Variants in DAB1 observed in about 807,000 individuals in gnomAD.
DAB1 encodes the protein DAB adaptor protein 1.
Under a neutral mutation model 64.6 loss-of-function variants are expected in DAB1, and 15 were observed. The observed-to-expected ratio is 0.23, with a 90% confidence interval of 0.16 to 0.36. The LOEUF (loss-of-function observed/expected upper bound fraction) is 0.36, where lower values mean the gene tolerates loss of function less well. Among genes scored for constraint, DAB1 ranks in the 10% least tolerant of loss-of-function variants. The probability of loss-of-function intolerance (pLI) is 1.00; values close to 1 mark genes in which losing one functional copy is unlikely to be tolerated. For synonymous variants in DAB1, 235 were observed against 251.9 expected, an observed-to-expected ratio of 0.93 and a Z score of 0.64; for missense variants, 596 against 706.7, an observed-to-expected ratio of 0.84 and a Z score of 1.78.
chr1:57,209,485 C>A (rs1665841210), intron 2 of DAB1, among the ~76,000 whole-genome samples: 1 of 152,168 alleles, frequency 6.6e-6, no homozygotes, highest in Non-Finnish European at 1.5e-5. Context: ...TTGCTGCTGT[C>A]AATAATGCCC....
At chr1:57,098,818 C>G (rs374676484) in intron 4 of DAB1, among the ~76,000 whole-genome samples, 72 of 152,198 alleles carry the variant, frequency 4.7e-4, no homozygotes, top group African/African-American at 1.7e-3. Flanking sequence ...CTTGATTGCC[C>G]TGGGGATGAT....
intron 7 of DAB1, among the ~76,000 whole-genome samples, chr1:57,553,420 AAGAAAGAAAGAAAGAAAGAAAG>A (rs1644941814): frequency 6.6e-5 from 1 of 15,134 alleles, no homozygotes; most frequent in Admixed American, 5.3e-4. Flanking sequence ...GAAAGAAAGA[AAGAAAGAAAGAAAGAAAGAAAG>A]AGAAAGAAAG....
At position 57,270,391 on chromosome 1, in the gene DAB1, A is replaced by T. The variant is rs372381094; in HGVS notation, c.67+20573T>A. Reference sequence around the variant, plus strand: ...TTTAAAGTTACTCCATTAATTAAAAAGTTGCTAAGAATACCTATGTGTTTA... The same window carrying T: ...TTTAAAGTTACTCCATTAATTAAAATGTTGCTAAGAATACCTATGTGTTTA... On this transcript the variant is annotated intron_variant, in intron 2 of 14. Transcript: ENST00000371236. Among the ~76,000 whole-genome samples the T allele has an allele frequency of 6.1e-4, 93 of 152,348 alleles. 1 individual carries two copies. In the South Asian group the frequency reaches 0.017, roughly 27 times the overall value.
At chr1:57,873,133 C>T (rs962479899) in intron 1 of DAB1, among the ~76,000 whole-genome samples, 1 of 151,944 alleles carries the variant, frequency 6.6e-6, no homozygotes, top group African/African-American at 2.4e-5. Context: ...AGGTGTCAAG[C>T]TAAGGAGGTG....
intron 6 of DAB1, among the ~76,000 whole-genome samples, chr1:57,707,490 T>C (rs969135503): frequency 6.6e-6 from 1 of 152,094 alleles, no homozygotes; most frequent in African/African-American, 2.4e-5. Context: ...AATATATTTA[T>C]GTACATGTTT....
chr1:58,490,794 TC>T (rs1557438620), intron 3 of DAB1, among the ~76,000 whole-genome samples: 18 of 117,268 alleles, frequency 1.5e-4, no homozygotes, highest in African/African-American at 5.2e-4. Flanking sequence ...TAGTCAACAT[TC>T]TTTTTTTTTT....
intron 2 of DAB1, among the ~76,000 whole-genome samples, chr1:58,526,039 T>C (rs1438496958): frequency 2.0e-5 from 3 of 152,080 alleles, no homozygotes; most frequent in African/African-American, 7.2e-5. Flanking sequence ...ATATTATATA[T>C]TTTAAAAATA....
At chr1:57,479,295 AC>A (rs1471171525) in intron 7 of DAB1, among the ~76,000 whole-genome samples, 7 of 152,052 alleles carry the variant, frequency 4.6e-5, no homozygotes, top group Non-Finnish European at 1.0e-4. Flanking sequence ...AATCACACAC[AC>A]AGAAAATGCT....
intron 4 of DAB1, among the ~76,000 whole-genome samples, chr1:58,290,464 G>A (rs1172639520): frequency 6.6e-6 from 1 of 152,144 alleles, no homozygotes; most frequent in Non-Finnish European, 1.5e-5. Context: ...CAGGCAGGAA[G>A]CAGCAGAAGG....
chr1:58,372,107 G>C (rs1027617022), intron 3 of DAB1, among the ~76,000 whole-genome samples: 28 of 152,312 alleles, frequency 1.8e-4, no homozygotes, highest in African/African-American at 6.7e-4. Flanking sequence ...TCCACTGACA[G>C]CTTGCGCCAG....
intron 7 of DAB1, among the ~76,000 whole-genome samples, chr1:57,468,580 G>T (rs1687033497): frequency 6.6e-6 from 1 of 152,104 alleles, no homozygotes. Context: ...GAACAGACAG[G>T]GTTGGTATGG....
chr1:57,846,698 A>G (rs1653303498), intron 1 of DAB1, among the ~76,000 whole-genome samples: 1 of 152,134 alleles, frequency 6.6e-6, no homozygotes, highest in Non-Finnish European at 1.5e-5. Flanking sequence ...GGCATCTAGA[A>G]CTACAAGTAA....
intron 14 of DAB1, among the ~76,000 whole-genome samples, chr1:57,001,740 C>T (rs1047513248): frequency 6.6e-6 from 1 of 152,224 alleles, no homozygotes; most frequent in African/African-American, 2.4e-5. Flanking sequence ...GTTTTCCCAT[C>T]TCTGAGACTT....
At chr1:58,250,476 T>TAGCAGC (rs748125929) in intron 4 of DAB1, among the ~76,000 whole-genome samples, 5 of 152,134 alleles carry the variant, frequency 3.3e-5, no homozygotes, top group East Asian at 1.9e-4. Flanking sequence ...ACAGCAGCAG[T>TAGCAGC]AGCAGCAGCA....
At chr1:57,508,725 C>G (rs1160159557) in intron 7 of DAB1, among the ~76,000 whole-genome samples, 1 of 152,168 alleles carries the variant, frequency 6.6e-6, no homozygotes, top group African/African-American at 2.4e-5. Context: ...TTGCTGATGT[C>G]TGCTCTATTC....
intron 5 of DAB1, among the ~76,000 whole-genome samples, chr1:57,921,886 C>T (rs1212376482): frequency 6.6e-6 from 1 of 152,224 alleles, no homozygotes; most frequent in Non-Finnish European, 1.5e-5. Context: ...AACCCATCTC[C>T]TAACTTCTCC....
chr1:57,212,550 G>T (rs527384855), intron 2 of DAB1, among the ~76,000 whole-genome samples: 30 of 151,496 alleles, frequency 2.0e-4, no homozygotes, highest in Non-Finnish European at 3.7e-4. Flanking sequence ...TGTATTTTTA[G>T]TAGAGATGGG....
intron 4 of DAB1, among the ~76,000 whole-genome samples, chr1:58,216,563 T>G (rs974690169): frequency 6.6e-6 from 1 of 152,226 alleles, no homozygotes; most frequent in African/African-American, 2.4e-5. Flanking sequence ...GATTGTTGGG[T>G]CAAATGGTAT....
intron 3 of DAB1, among the ~76,000 whole-genome samples, chr1:58,487,145 G>C (rs961624179): frequency 6.6e-6 from 1 of 152,222 alleles, no homozygotes; most frequent in Non-Finnish European, 1.5e-5. Context: ...AACTTGGGAG[G>C]AGATGATGGT....
Sources: gnomAD v4.1 joint callset for allele counts (sites outside exome capture counted in the v4.1 genomes callset) on GRCh38, gnomAD v4.1.1 for gene constraint, MANE v1.5 for transcripts, NCBI Gene and HGNC (gene_info 2026-07-23, HGNC 2026-07-21) for gene names.